Variants in SLC12A2 observed in about 807,000 individuals in gnomAD.
SLC12A2 encodes solute carrier family 12 member 2.
A neutral mutation model predicts 136.3 loss-of-function variants in SLC12A2; 67 were observed. The observed-to-expected ratio is 0.49, with a 90% CI of 0.40 to 0.60. The LOEUF (loss-of-function observed/expected upper bound fraction) is 0.60, where lower values mean the gene tolerates loss of function less well. Among genes scored for constraint, SLC12A2 ranks in the 20% least tolerant of loss-of-function variants. The pLI is 0.00. For synonymous variants in SLC12A2, 619 were observed against 562.9 expected, an observed-to-expected ratio of 1.10 and a Z score of -1.41; for missense variants, 1,322 against 1,534.7, an observed-to-expected ratio of 0.86 and a Z score of 2.32.
At chr5:128,118,192 G>A (rs1301895107) in intron 4 of SLC12A2, among the ~76,000 whole-genome samples, 1 of 152,160 alleles carries the variant, frequency 6.6e-6, no homozygotes, top group Non-Finnish European at 1.5e-5. Flanking sequence ...ACTACCATTT[G>A]ATACAGCAGT....
chr5:128,184,690 A>G (rs1763814349), intron 25 of SLC12A2, 99 bp from the exon 26 acceptor site: 1 of 1,567,966 alleles, frequency 6.4e-7, no homozygotes, highest in Non-Finnish European at 8.7e-7. Flanking sequence ...ATTACACGAA[A>G]ATTCATTTCA....
intron 17 of SLC12A2, among the ~76,000 whole-genome samples, chr5:128,165,058 G>A (rs1763158537): frequency 6.6e-6 from 1 of 151,976 alleles, no homozygotes; most frequent in African/African-American, 2.4e-5. Context: ...GCTCAGGCTG[G>A]TCTTGAACTC....
At chr5:128,169,248 T>C (rs1158866074) in intron 18 of SLC12A2, 2 of 152,180 alleles carry the variant, frequency 1.3e-5, no homozygotes, top group African/African-American at 2.4e-5. Context: ...AACTTTTATT[T>C]ACAAAGTAGC....
chr5:128,175,970 G>A (rs1763528835), intron 20 of SLC12A2, among the ~76,000 whole-genome samples: 1 of 151,742 alleles, frequency 6.6e-6, no homozygotes, highest in African/African-American at 2.4e-5. Flanking sequence ...ATTAGTGTTT[G>A]CTTTATTTTG....
intron 17 of SLC12A2, among the ~76,000 whole-genome samples, chr5:128,162,881 T>A (rs949237561): frequency 6.6e-6 from 1 of 152,196 alleles, no homozygotes; most frequent in Non-Finnish European, 1.5e-5. Context: ...TGGCCCAGGA[T>A]GGCTTTGAAT....
At position 128,147,729 on chromosome 5, in the gene SLC12A2, G is replaced by A. The variant is rs772489874; in HGVS notation, c.1881G>A (p.Gln627=). The A allele has an allele frequency of 1.7e-5, 27 of 1,579,304 alleles. No homozygotes were observed. The South Asian group carries it at 2.4e-4, about 14-fold the overall frequency. The change falls in exon 11 of 27, where the codon CAG becomes CAA. Residue 627 remains glutamine (Q), a splice_region_variant and synonymous_variant. Transcript: ENST00000262461. ...TAGTGAGTGCTCCCAAAATATTTCA[G>A]GTAAGTGTTTTTATATTACAGGCTT... ...ASLVSAPKIF[Q]ALCKDNIYPA... is the part of the protein sequence containing the mutation.
intron 11 of SLC12A2, among the ~76,000 whole-genome samples, chr5:128,148,342 A>G (rs1762595441): frequency 6.6e-6 from 1 of 151,828 alleles, no homozygotes; most frequent in African/African-American, 2.4e-5. Flanking sequence ...ATCATTTAAG[A>G]CAGACTTTAG....
chr5:128,114,284 A>G lies in SLC12A2; in HGVS notation c.949A>G (p.Ile317Val), dbSNP rs550964184. The G allele has an allele frequency of 1.7e-5, 27 of 1,610,746 alleles. No individual in the cohort carries two copies. The East Asian group carries it at 5.6e-4, about 33-fold the overall frequency. ...RLSWIVGQAG[I>V]GLSVLVIMMA... ...GTCATGGATTGTGGGTCAAGCTGGA[A>G]TAGGTAAGTGAAGTTATATCCTGCT... The change falls in exon 3 of 27, where the codon ATA becomes GTA. Residue 317 changes from isoleucine (I) to valine (V), a missense_variant. By Grantham distance (29) the Ile-to-Val change is conservative. Coordinates refer to ENST00000262461, the MANE Select transcript of SLC12A2 (RefSeq NM_001046.3).
chr5:128,114,356 T>C, intron 3 of SLC12A2, 69 bp downstream of exon 3: 2 of 1,194,042 alleles, frequency 1.7e-6, no homozygotes, highest in Non-Finnish European at 2.5e-6. Flanking sequence ...CTTAACCTCA[T>C]GAAACTCAAG....
At chr5:128,172,290 C>G (rs951988868) in intron 19 of SLC12A2, among the ~76,000 whole-genome samples, 1 of 152,132 alleles carries the variant, frequency 6.6e-6, no homozygotes, top group Non-Finnish European at 1.5e-5. Flanking sequence ...CAGTTTCCCC[C>G]AATGATAACA....
rs767778264 is a variant in SLC12A2 at position 128,084,333 on chromosome 5, G to A, written c.379G>A (p.Glu127Lys). 2.5e-6 allele frequency: 4 copies of A among 1,572,088 alleles called. No individual in the cohort carries two copies. Among genetic ancestry groups the A allele is most frequent in the African/African-American group, 1.3e-5 (1 of 74,324 alleles). Residue 127 changes from glutamate (E) to lysine (K), a missense_variant, in exon 1 of 27, where the codon GAG becomes AAG. By Grantham distance (56) the Glu-to-Lys change is moderately conservative. This residue lies in a region of SLC12A2 where 358 missense variants were observed against 299.7 expected (regional missense o/e 1.19). Transcript: ENST00000262461. This position sits in a 1 kb window ranked among gnomAD's most constrained non-coding sequence, Gnocchi z 5.6. ...GGACGGGGAAGCCAGCGGCGAGAGC[G>A]AGCCGGCTAAAGGCAGCGAGGAAGC... ...PADGEASGESEPAKGSEEAKG... is the reference protein window; with the variant it reads ...PADGEASGESKPAKGSEEAKG...
At chr5:128,147,438 A>G (rs1189231955) in intron 10 of SLC12A2, among the ~76,000 whole-genome samples, 184 bp from the exon 11 acceptor site, 2 of 151,646 alleles carry the variant, frequency 1.3e-5, no homozygotes, top group African/African-American at 4.8e-5. Context: ...AGGTTTTCTT[A>G]AGGTAAGGGC....
Position 128,167,911 on chromosome 5 carries a change from G to T in SLC12A2, c.2723+44G>T, listed in dbSNP as rs1208986492. On this transcript the variant is annotated intron_variant, in intron 18 of 26. Coordinates refer to ENST00000262461, the MANE Select transcript of SLC12A2 (RefSeq NM_001046.3). ...CAATAATTTAGTTCATTTAGAAAAT[G>T]TTAATTTTGAAAGCTTGTCCTAATT... is the stretch of plus-strand genomic sequence containing the variant. 4 of 1,189,272 alleles carry T rather than the reference G, an allele frequency of 3.4e-6. No homozygotes were observed. The South Asian group carries it at 6.4e-5, about 19-fold the overall frequency. The allele number at this position is 1,189,272 out of a possible 1,614,324, so 73.7% of individuals were successfully genotyped here. A position where few individuals can be genotyped will look rare whatever the true frequency, so the allele number is the denominator to read the frequency against.
rs185791083 is a variant in SLC12A2 at position 128,154,241 on chromosome 5, C to T, written c.2363+1436C>T. On this transcript the variant is annotated intron_variant, in intron 15 of 26. Coordinates refer to ENST00000262461, the MANE Select transcript of SLC12A2 (RefSeq NM_001046.3). ...AGCAGTTTGAGACCAGGCTAGGCAA[C>T]ATAGTGAGATCTTGTCTTTACCAAA... Among the ~76,000 whole-genome samples, 144 of 152,012 alleles carry T rather than the reference C, an allele frequency of 9.5e-4. 1 individual carries two copies. The highest frequency in any genetic ancestry group is 3.4e-3 in the African/African-American group (139 of 41,460).
At chr5:128,164,049 T>A (rs1391123226) in intron 17 of SLC12A2, among the ~76,000 whole-genome samples, 1 of 152,178 alleles carries the variant, frequency 6.6e-6, no homozygotes, top group Non-Finnish European at 1.5e-5. Flanking sequence ...AACAATAAAT[T>A]TTAGGAAGGA....
At chr5:128,100,084 T>C (rs1402259828) in intron 1 of SLC12A2, among the ~76,000 whole-genome samples, 1 of 152,174 alleles carries the variant, frequency 6.6e-6, no homozygotes, top group African/African-American at 2.4e-5. Context: ...GTTTGTTTAT[T>C]CCAGCATCAC....
chr5:128,119,990 A>G (rs1761494108), intron 4 of SLC12A2, among the ~76,000 whole-genome samples: 1 of 152,024 alleles, frequency 6.6e-6, no homozygotes, highest in African/African-American at 2.4e-5. Flanking sequence ...AGAATCTACA[A>G]TGAACTCAAA....
intron 4 of SLC12A2, among the ~76,000 whole-genome samples, chr5:128,122,523 A>T (rs1282775324): frequency 6.6e-6 from 1 of 152,206 alleles, no homozygotes; most frequent in African/African-American, 2.4e-5. Flanking sequence ...AAAATCAATT[A>T]TACCCATTTT....
chr5:128,099,839 A>G (rs1307752192), intron 1 of SLC12A2, among the ~76,000 whole-genome samples: 2 of 152,142 alleles, frequency 1.3e-5, no homozygotes, highest in Non-Finnish European at 2.9e-5. Flanking sequence ...TAACACGTGG[A>G]GCTGTCATTT....
Sources: allele counts gnomAD v4.1 joint callset (sites outside exome capture counted in the v4.1 genomes callset), GRCh38; gene constraint gnomAD v4.1.1; regional missense constraint gnomAD v4.1.1; non-coding constraint Gnocchi (gnomAD v3.1); transcripts MANE v1.5; gene names NCBI Gene and HGNC (gene_info 2026-07-23, HGNC 2026-07-21).